Variants in CRTAC1 observed in about 807,000 individuals in gnomAD.
CRTAC1 encodes cartilage acidic protein 1.
In CRTAC1, 37 loss-of-function variants were observed where a neutral mutation model predicts 67.8. That is an observed-to-expected ratio of 0.55 (90% CI 0.42 to 0.72). The LOEUF (loss-of-function observed/expected upper bound fraction) is 0.72. Among genes scored for constraint, CRTAC1 ranks in the 30% least tolerant of loss-of-function variants. The probability of loss-of-function intolerance (pLI) is 0.00; values close to 1 mark genes in which losing one functional copy is unlikely to be tolerated. For synonymous variants in CRTAC1, 348 were observed against 371.0 expected, an observed-to-expected ratio of 0.94 and a Z score of 0.71; for missense variants, 780 against 931.6, an observed-to-expected ratio of 0.84 and a Z score of 2.12.
chr10:97,877,539 C>A lies in CRTAC1; in HGVS notation c.1819+2710G>T, dbSNP rs971226354. Among the ~76,000 whole-genome samples the A allele has an allele frequency of 1.1e-4, 17 of 152,326 alleles. No homozygotes were observed. The East Asian group carries it at 2.5e-3, about 22-fold the overall frequency. On this transcript the variant is annotated intron_variant, in intron 14 of 14. Coordinates refer to ENST00000370597, the MANE Select transcript of CRTAC1 (RefSeq NM_018058.7). ...TGCACATAGTAGTAGGGGATCAACA[C>A]ATATTACTTTTACTTACCATTGTTA...
At chr10:97,935,011 G>A (rs1470414407) in intron 3 of CRTAC1, among the ~76,000 whole-genome samples, 1 of 152,150 alleles carries the variant, frequency 6.6e-6, no homozygotes, top group Non-Finnish European at 1.5e-5. Flanking sequence ...TTGATCTACT[G>A]CCACAAGAGC....
intron 3 of CRTAC1, among the ~76,000 whole-genome samples, chr10:97,926,805 C>T (rs897057923): frequency 3.9e-5 from 6 of 152,132 alleles, no homozygotes; most frequent in Non-Finnish European, 7.4e-5. Flanking sequence ...GGACTTAGGC[C>T]GCCATCATCA....
intron 3 of CRTAC1, among the ~76,000 whole-genome samples, chr10:97,932,063 C>T (rs892323533): frequency 6.6e-6 from 1 of 152,190 alleles, no homozygotes; most frequent in African/African-American, 2.4e-5. Context: ...GGTCAGTCTT[C>T]CTCCTTCTCC....
At chr10:97,950,244 CACAGAGAGAGAG>C (rs1447326778) in intron 2 of CRTAC1, among the ~76,000 whole-genome samples, 6 of 112,128 alleles carry the variant, frequency 5.4e-5, no homozygotes, top group African/African-American at 2.4e-4. Context: ...CACACACACA[CACAGAGAGAGAG>C]AGAGAGAGAG....
intron 2 of CRTAC1, among the ~76,000 whole-genome samples, chr10:97,947,304 A>T (rs2051281585): frequency 1.3e-5 from 2 of 152,216 alleles, no homozygotes; most frequent in Non-Finnish European, 1.5e-5. Context: ...ATAGCAAATA[A>T]GGAGTGGTCC....
At chr10:97,907,492 C>G (rs2050629633) in intron 6 of CRTAC1, among the ~76,000 whole-genome samples, 1 of 152,136 alleles carries the variant, frequency 6.6e-6, no homozygotes, top group Non-Finnish European at 1.5e-5. Flanking sequence ...TATCCTGCTT[C>G]TTATTACAGC....
chr10:97,917,966 G>GC (rs1323017550), intron 4 of CRTAC1, among the ~76,000 whole-genome samples: 2 of 151,958 alleles, frequency 1.3e-5, no homozygotes, highest in Non-Finnish European at 2.9e-5. Context: ...TTTCTAATGT[G>GC]CCTCCCTCCA....
At chr10:97,947,609 A>C (rs1187426776) in intron 2 of CRTAC1, among the ~76,000 whole-genome samples, 3 of 152,240 alleles carry the variant, frequency 2.0e-5, no homozygotes, top group African/African-American at 7.2e-5. Flanking sequence ...GCATTCCCCA[A>C]ATGTTAAAGG....
At chr10:97,919,295 C>A (rs992381673) in intron 4 of CRTAC1, among the ~76,000 whole-genome samples, 1 of 151,980 alleles carries the variant, frequency 6.6e-6, no homozygotes, top group Non-Finnish European at 1.5e-5. Context: ...AGCTCCTCAC[C>A]CAGAGGAAGG....
chr10:98,024,797 A>G (rs1275402630), intron 1 of CRTAC1, among the ~76,000 whole-genome samples: 1 of 27,236 alleles, frequency 3.7e-5, no homozygotes, highest in East Asian at 5.0e-4. Flanking sequence ...CCTCTCCACC[A>G]CACACACACA....
At position 97,923,300 on chromosome 10, in the gene CRTAC1, G is replaced by T; in HGVS notation, c.522C>A (p.Leu174=). ...CACAGGCCACAGAGCGTCCGGCAAA[G>T]AGGCTGGCCACACCACGGGCCACGT... ...EVNVARGVAS[L]FAGRSVACVD... Residue 174 remains leucine (L), a synonymous_variant, in exon 4 of 15, where the codon CTC becomes CTA. Coordinates refer to ENST00000370597, the MANE Select transcript of CRTAC1 (RefSeq NM_018058.7). 6.2e-7 allele frequency: 1 copy of T among 1,614,138 alleles called. No individual in the cohort carries two copies. Among genetic ancestry groups the T allele is most frequent in the Non-Finnish European group, 8.5e-7 (1 of 1,180,028 alleles).
intron 1 of CRTAC1, among the ~76,000 whole-genome samples, chr10:98,028,450 CTG>C (rs1843285468): frequency 6.6e-6 from 1 of 152,202 alleles, no homozygotes; most frequent in Admixed American, 6.5e-5. Flanking sequence ...GCATGAGAGG[CTG>C]TCACAAGCTG....
chr10:97,915,873 C>T (rs1287428283), intron 5 of CRTAC1, among the ~76,000 whole-genome samples: 2 of 152,186 alleles, frequency 1.3e-5, no homozygotes, highest in African/African-American at 4.8e-5. Context: ...CAGCCTCCCT[C>T]TGTTCCTCCA....
intron 2 of CRTAC1, among the ~76,000 whole-genome samples, chr10:97,944,211 T>C (rs542309359): frequency 8.5e-5 from 13 of 152,266 alleles, no homozygotes; most frequent in Admixed American, 8.5e-4. Context: ...GTGGATCACC[T>C]GAGGTCAGGA....
chr10:97,902,408 T>C (rs1314392313), intron 7 of CRTAC1, among the ~76,000 whole-genome samples: 2 of 152,230 alleles, frequency 1.3e-5, no homozygotes, highest in Non-Finnish European at 2.9e-5. Context: ...TTTTTATTTT[T>C]ATTTTTTGAG....
intron 2 of CRTAC1, among the ~76,000 whole-genome samples, chr10:97,976,386 A>G (rs1182402383): frequency 6.6e-6 from 1 of 152,220 alleles, no homozygotes; most frequent in East Asian, 1.9e-4. Flanking sequence ...ATTTGGCCTG[A>G]GGCAGGTTTC....
intron 6 of CRTAC1, among the ~76,000 whole-genome samples, chr10:97,907,020 A>G (rs1436561800): frequency 6.6e-6 from 1 of 152,208 alleles, no homozygotes; most frequent in East Asian, 1.9e-4. Flanking sequence ...CCTCCCATTC[A>G]TTGGCAAGGT....
chr10:97,929,103 A>G (rs1165400970), intron 3 of CRTAC1, among the ~76,000 whole-genome samples: 2 of 151,908 alleles, frequency 1.3e-5, no homozygotes, highest in African/African-American at 4.8e-5. Flanking sequence ...GCTGTCCAAA[A>G]TGTGGAAACA....
At chr10:97,915,125 C>T (rs896764470) in intron 5 of CRTAC1, among the ~76,000 whole-genome samples, 5 of 152,328 alleles carry the variant, frequency 3.3e-5, no homozygotes, top group Non-Finnish European at 5.9e-5. Flanking sequence ...CACAACAACC[C>T]GGGTGGGGCT....
Sources: allele counts gnomAD v4.1 joint callset (sites outside exome capture counted in the v4.1 genomes callset), GRCh38; gene constraint gnomAD v4.1.1; transcripts MANE v1.5; gene names NCBI Gene and HGNC (gene_info 2026-07-23, HGNC 2026-07-21).